The following ARIH1 variants were observed in gnomAD, a reference collection of about 807,000 sequenced individuals.
ARIH1 encodes ariadne RBR E3 ubiquitin protein ligase 1.
ARIH1 carries 8 observed loss-of-function variants against 85.0 expected under a neutral mutation model. The ratio of observed to expected loss-of-function variants is 0.09; its 90% CI spans 0.06 to 0.17. The LOEUF (loss-of-function observed/expected upper bound fraction) is 0.17, where lower values mean the gene tolerates loss of function less well. ARIH1 is among the 10% of genes least tolerant of loss of function. ARIH1 has a pLI of 1.00. For synonymous variants in ARIH1, 238 were observed against 253.6 expected (o/e 0.94, Z 0.59); for missense variants, 311 against 718.1 (o/e 0.43, Z 6.48).
chr15:72,481,194 C>T (rs1595847415), intron 1 of ARIH1, among the ~76,000 whole-genome samples: 1 of 152,314 alleles, frequency 6.6e-6, no homozygotes, highest in East Asian at 1.9e-4. Context: ...TTAAATTACA[C>T]TGACTTGTTG....
In ARIH1 at chr15:72,602,409, T is replaced by C. The variant is rs1274187025; in HGVS notation, c.*19117T>C. On this transcript the variant is annotated 3_prime_UTR_variant, in exon 14 of 14. Transcript: ENST00000379887. ...TTCCTTGCACAGTTATATTTTCATA[T>C]GTTAAAGAGCCATTTGTATTTCTTG... 6.6e-6 allele frequency: 1 copy of C among 152,254 alleles called. No homozygotes were observed. Among genetic ancestry groups the C allele is most frequent in the Non-Finnish European group, 1.5e-5 (1 of 68,048 alleles). 9.4% of individuals were successfully genotyped at this position (152,254 alleles called of 1,614,324 possible).
intron 3 of ARIH1, among the ~76,000 whole-genome samples, chr15:72,549,745 T>G (rs1181641404): frequency 1.3e-5 from 2 of 152,238 alleles, no homozygotes; most frequent in Admixed American, 1.3e-4. Context: ...GTATGTAAAG[T>G]GATGCAGATA....
intron 1 of ARIH1, among the ~76,000 whole-genome samples, chr15:72,479,871 T>C (rs1029927965): frequency 4.6e-5 from 7 of 152,164 alleles, no homozygotes; most frequent in Admixed American, 6.5e-5. Flanking sequence ...ACTATTCTTT[T>C]TTTTTTTTTC....
Position 72,584,592 on chromosome 15 carries a change from T to C in ARIH1, c.*1300T>C, listed in dbSNP as rs2064308377. The C allele has an allele frequency of 6.6e-6, 1 of 152,146 alleles. No homozygotes were observed. Among genetic ancestry groups the C allele is most frequent in the Non-Finnish European group, 1.5e-5 (1 of 68,026 alleles). 9.4% of individuals were successfully genotyped at this position (152,146 alleles called of 1,614,324 possible). ...TTAAAATGGTGGATACCGAAATTGC[T>C]TGTGTGTGTTGCTGTGGGTTTGGTT... On this transcript the variant is annotated 3_prime_UTR_variant, in exon 14 of 14. Transcript: ENST00000379887.
intron 5 of ARIH1, among the ~76,000 whole-genome samples, chr15:72,559,838 A>G (rs1211347567): frequency 6.6e-6 from 1 of 152,212 alleles, no homozygotes; most frequent in Non-Finnish European, 1.5e-5. Context: ...AGATTCATCC[A>G]TGTTGTATCA....
chr15:72,508,408 C>T (rs2063935172), intron 1 of ARIH1, among the ~76,000 whole-genome samples: 1 of 152,220 alleles, frequency 6.6e-6, no homozygotes. Flanking sequence ...AAGTGAATTT[C>T]TCTCCTTTGA....
At chr15:72,553,306 A>G (rs1226649318) in intron 3 of ARIH1, among the ~76,000 whole-genome samples, 1 of 152,212 alleles carries the variant, frequency 6.6e-6, no homozygotes, top group Admixed American at 6.5e-5. Context: ...ATACTGCTTC[A>G]TTTAACGATC....
chr15:72,517,511 A>G (rs553311266), intron 1 of ARIH1, among the ~76,000 whole-genome samples: 2 of 151,734 alleles, frequency 1.3e-5, no homozygotes, highest in Admixed American at 6.6e-5. Context: ...TGCAACCTCC[A>G]TCTCCCAGGT....
At position 72,595,808 on chromosome 15, in the gene ARIH1, G is replaced by GTTTTTTTTTTTTTTTTTCTTT. The variant is rs2064361126; in HGVS notation, c.*12533_*12534insCTTTTTTTTTTTTTTTTTTTT. The GTTTTTTTTTTTTTTTTTCTTT allele has an allele frequency of 2.4e-5, 3 of 122,836 alleles. No individual in the cohort carries two copies. Among genetic ancestry groups the GTTTTTTTTTTTTTTTTTCTTT allele is most frequent in the Admixed American group, 8.8e-5 (1 of 11,410 alleles). The allele number at this position is 122,836 out of a possible 1,614,324, so 7.6% of individuals were successfully genotyped here. ...TATTGCAGTGTTTTTTGTTTTTTCT[G>GTTTTTTTTTTTTTTTTTCTTT]TTTTTTTTTTTTTTTTTTCATCTTT... is the stretch of plus-strand genomic sequence containing the variant. On this transcript the variant is annotated 3_prime_UTR_variant, in exon 14 of 14. Coordinates refer to ENST00000379887, the MANE Select transcript of ARIH1 (RefSeq NM_005744.5).
At chr15:72,501,147 G>T (rs2063901811) in intron 1 of ARIH1, among the ~76,000 whole-genome samples, 1 of 151,910 alleles carries the variant, frequency 6.6e-6, no homozygotes, top group South Asian at 2.1e-4. Flanking sequence ...GTTATTGCTT[G>T]GTTTTAAAAC....
At chr15:72,486,290 A>G (rs1459819794) in intron 1 of ARIH1, among the ~76,000 whole-genome samples, 1 of 152,200 alleles carries the variant, frequency 6.6e-6, no homozygotes, top group Non-Finnish European at 1.5e-5. Context: ...ATTGTACACC[A>G]TTCTGAGTAG....
intron 1 of ARIH1, among the ~76,000 whole-genome samples, chr15:72,511,103 A>G (rs2063948789): frequency 6.6e-6 from 1 of 152,004 alleles, no homozygotes; most frequent in Non-Finnish European, 1.5e-5. Flanking sequence ...CAATCCATGA[A>G]GATGGCATCT....
chr15:72,528,868 A>G (rs1181614507), intron 2 of ARIH1, among the ~76,000 whole-genome samples: 1 of 152,026 alleles, frequency 6.6e-6, no homozygotes, highest in Non-Finnish European at 1.5e-5. Context: ...AAAACAAAAA[A>G]CAATTCACGT....
At chr15:72,483,550 G>T (rs529677499) in intron 1 of ARIH1, among the ~76,000 whole-genome samples, 1 of 152,296 alleles carries the variant, frequency 6.6e-6, no homozygotes, top group Non-Finnish European at 1.5e-5. Context: ...GTTTGTCTCT[G>T]TCTCTCTCTG....
At chr15:72,557,614 T>G (rs2140430222) in intron 5 of ARIH1, among the ~76,000 whole-genome samples, 1 of 152,334 alleles carries the variant, frequency 6.6e-6, no homozygotes, top group South Asian at 2.1e-4. Flanking sequence ...TAGTCATAAA[T>G]TCTTTGCCAA....
chr15:72,602,766 C>G lies in ARIH1; in HGVS notation c.*19474C>G, dbSNP rs912576895. On this transcript the variant is annotated 3_prime_UTR_variant, in exon 14 of 14. Coordinates refer to ENST00000379887, the MANE Select transcript of ARIH1 (RefSeq NM_005744.5). ...CCAGAGAAATGTTCCCCCTTTCTCC[C>G]AGGAAACGTTCTGACCTTACCCTGG... The G allele has an allele frequency of 6.6e-6, 1 of 152,196 alleles. No individual in the cohort carries two copies. Among genetic ancestry groups the G allele is most frequent in the African/African-American group, 2.4e-5 (1 of 41,422 alleles). 9.4% of individuals were successfully genotyped at this position (152,196 alleles called of 1,614,324 possible). A position where few individuals can be genotyped will look rare whatever the true frequency, so the allele number is the denominator to read the frequency against.
rs1042626173 is a variant in ARIH1 at position 72,587,526 on chromosome 15, A to C, written c.*4234A>C. 3.9e-6 allele frequency: 1 copy of C among 254,926 alleles called. No homozygotes were observed. The highest frequency in any genetic ancestry group is 5.6e-5 in the Admixed American group (1 of 18,014). The allele number at this position is 254,926 out of a possible 1,614,324, so 15.8% of individuals were successfully genotyped here. A position where few individuals can be genotyped will look rare whatever the true frequency, so the allele number is the denominator to read the frequency against. On this transcript the variant is annotated 3_prime_UTR_variant, in exon 14 of 14. Transcript: ENST00000379887. ...GAATTTCCATTGTAAAGAATTTTGG[A>C]TAGTCTGCAGGAAATTGTTACAGGA... is the stretch of plus-strand genomic sequence containing the variant.
chr15:72,475,547 G>A (rs1023080893), intron 1 of ARIH1, among the ~76,000 whole-genome samples: 2 of 152,176 alleles, frequency 1.3e-5, no homozygotes, highest in Admixed American at 6.5e-5. Context: ...CTTAAAGGTG[G>A]GGGAAGGGAA....
At position 72,490,714 on chromosome 15, in the gene ARIH1, G is replaced by A. The variant is rs548539102; in HGVS notation, c.375+15700G>A. ...TTATCATTCATGACAAGCAGGGATG[G>A]GAGAGGAAGCAGGGATAGGAGTGGT... On this transcript the variant is annotated intron_variant, in intron 1 of 13. Transcript: ENST00000379887. Among the ~76,000 whole-genome samples the A allele has an allele frequency of 2.9e-3, 437 of 152,070 alleles. 2 individuals carry two copies. The highest frequency in any genetic ancestry group is 5.1e-3 in the Admixed American group (78 of 15,250).
Sources: allele counts gnomAD v4.1 joint callset (sites outside exome capture counted in the v4.1 genomes callset), GRCh38; gene constraint gnomAD v4.1.1; transcripts MANE v1.5; gene names NCBI Gene and HGNC (gene_info 2026-07-23, HGNC 2026-07-21).